The following IPO11 variants were observed in gnomAD, a reference collection of about 807,000 sequenced individuals.
IPO11 encodes importin 11, also known as importin-11.
A neutral mutation model predicts 143.2 loss-of-function variants in IPO11; 66 were observed. That is an observed-to-expected ratio of 0.46 (90% confidence interval 0.38 to 0.57). IPO11 has a LOEUF of 0.57. Among genes scored for constraint, IPO11 ranks in the 20% least tolerant of loss-of-function variants. The pLI is 0.00. For synonymous variants in IPO11, 385 were observed against 377.8 expected (o/e 1.02, Z -0.22); for missense variants, 1,026 against 1,141.0 (o/e 0.90, Z 1.45).
At chr5:62,581,817 G>A (rs1478140140) in intron 27 of IPO11, among the ~76,000 whole-genome samples, 1 of 152,176 alleles carries the variant, frequency 6.6e-6, no homozygotes, top group Non-Finnish European at 1.5e-5. Context: ...TGCACAGTGC[G>A]ATGATAAGTA....
chr5:62,618,973 G>A (rs1385310718), intron 29 of IPO11, among the ~76,000 whole-genome samples: 1 of 152,136 alleles, frequency 6.6e-6, no homozygotes, highest in Non-Finnish European at 1.5e-5. Context: ...GCTTACGCCT[G>A]TAATGCCAGC....
intron 27 of IPO11, among the ~76,000 whole-genome samples, chr5:62,591,268 A>G (rs535967180): frequency 7.2e-5 from 11 of 152,246 alleles, no homozygotes; most frequent in African/African-American, 2.2e-4. Flanking sequence ...TTACTTGTCA[A>G]TACTCTATGT....
intron 16 of IPO11, among the ~76,000 whole-genome samples, chr5:62,498,682 C>A (rs1741238483): frequency 6.6e-6 from 1 of 152,082 alleles, no homozygotes; most frequent in Admixed American, 6.6e-5. Context: ...TGAGCCTGGC[C>A]AACATGGGGA....
chr5:62,477,088 T>A (rs1745986456), intron 9 of IPO11, among the ~76,000 whole-genome samples: 1 of 152,106 alleles, frequency 6.6e-6, no homozygotes, highest in African/African-American at 2.4e-5. Flanking sequence ...CAGCTAGAAG[T>A]AGATCAAATG....
chr5:62,483,215 C>T lies in IPO11; in HGVS notation c.943C>T (p.Arg315Ter), dbSNP rs1746272504. 1.9e-6 allele frequency: 3 copies of T among 1,610,480 alleles called. No homozygotes were observed. Among genetic ancestry groups the T allele is most frequent in the South Asian group, 1.1e-5 (1 of 90,732 alleles). ...TEVGEGVTFE[R>*]FIVQCMNLIK... ...AGTTGGTGAAGGCGTTACATTTGAA[C>T]GATTCATTGTCCAATGTATGAATCT... Residue 315 changes from arginine to a stop codon, truncating the protein, a stop_gained, in exon 10 of 30, where the codon CGA (arginine) becomes TGA (stop). Transcript: ENST00000325324. LOFTEE classifies it high-confidence loss of function.
chr5:62,621,918 G>A (rs926968152), intron 29 of IPO11, among the ~76,000 whole-genome samples: 31 of 152,144 alleles, frequency 2.0e-4, no homozygotes, highest in African/African-American at 7.5e-4. Context: ...TATGCACACA[G>A]TAAAGTAAAA....
intron 27 of IPO11, chr5:62,579,369 G>A (rs372935721): frequency 2.2e-5 from 31 of 1,412,328 alleles, no homozygotes; most frequent in African/African-American, 8.6e-5. Flanking sequence ...TGAAGTTTTC[G>A]TGATTTAAAG....
At chr5:62,527,884 C>G (rs1174656129) in intron 21 of IPO11, among the ~76,000 whole-genome samples, 1 of 152,098 alleles carries the variant, frequency 6.6e-6, no homozygotes, top group African/African-American at 2.4e-5. Flanking sequence ...AGGTGCCAAT[C>G]CCAGTTATGC....
chr5:62,563,256 G>A (rs1160275079), intron 27 of IPO11, among the ~76,000 whole-genome samples: 1 of 152,136 alleles, frequency 6.6e-6, no homozygotes, highest in African/African-American at 2.4e-5. Flanking sequence ...TAAAGAACAT[G>A]GTCCTTGGTG....
intron 28 of IPO11, among the ~76,000 whole-genome samples, chr5:62,594,528 C>T (rs546360742): frequency 1.9e-4 from 29 of 152,146 alleles, no homozygotes; most frequent in Non-Finnish European, 3.8e-4. Context: ...TGAGGTCTAC[C>T]CACATGGGGA....
intron 1 of IPO11, among the ~76,000 whole-genome samples, chr5:62,414,749 C>G (rs1002153037): frequency 1.3e-5 from 2 of 152,174 alleles, no homozygotes; most frequent in Admixed American, 6.5e-5. Flanking sequence ...AACAAGTTAT[C>G]TAGATGAAAG....
intron 29 of IPO11, among the ~76,000 whole-genome samples, chr5:62,613,787 A>G (rs570470208): frequency 4.6e-5 from 7 of 152,222 alleles, no homozygotes; most frequent in Non-Finnish European, 1.0e-4. Context: ...CCACCATACT[A>G]TAAGGAAGCC....
chr5:62,449,941 A>C lies in IPO11; in HGVS notation c.254A>C (p.Glu85Ala). The change falls in exon 4 of 30, where the codon GAG (glutamate) becomes GCG (alanine). Residue 85 changes from glutamate to alanine, a missense_variant. Coordinates refer to ENST00000325324, the MANE Select transcript of IPO11 (RefSeq NM_016338.5). ...TTTTTTTACAGTGCTCTCTCAGAGG[A>C]GGAGAAAACTACTCTGCGTGCAGGG... ...RRVAPHALSE[E>A]EKTTLRAGLI... 6.3e-7 allele frequency: 1 copy of C among 1,579,266 alleles called. No homozygotes were observed. The highest frequency in any genetic ancestry group is 8.6e-7 in the Non-Finnish European group (1 of 1,164,356).
At chr5:62,606,078 A>G (rs1580380088) in intron 29 of IPO11, among the ~76,000 whole-genome samples, 1 of 151,890 alleles carries the variant, frequency 6.6e-6, no homozygotes, top group African/African-American at 2.4e-5. Context: ...GCAAATGAAA[A>G]CTGTATGTAT....
intron 27 of IPO11, among the ~76,000 whole-genome samples, chr5:62,590,846 GATGCTCAC>G (rs1744983900): frequency 6.6e-6 from 1 of 151,890 alleles, no homozygotes; most frequent in Admixed American, 6.6e-5. Context: ...ATCCTTTTAG[GATGCTCAC>G]ATGCCATCTG....
At chr5:62,608,349 G>T (rs1745805503) in intron 29 of IPO11, among the ~76,000 whole-genome samples, 1 of 152,088 alleles carries the variant, frequency 6.6e-6, no homozygotes, top group Non-Finnish European at 1.5e-5. Context: ...CAGACTTACT[G>T]TATCTGGGGG....
intron 1 of IPO11, among the ~76,000 whole-genome samples, chr5:62,422,257 G>C (rs1480428192): frequency 6.6e-6 from 1 of 152,100 alleles, no homozygotes; most frequent in Non-Finnish European, 1.5e-5. Context: ...CTCCCTAGTA[G>C]CTGGGATTAT....
chr5:62,559,309 G>C (rs533194580), intron 26 of IPO11, among the ~76,000 whole-genome samples: 12 of 151,804 alleles, frequency 7.9e-5, no homozygotes, highest in Non-Finnish European at 1.6e-4. Context: ...AAAAATAAAA[G>C]AGGATTGAAG....
chr5:62,474,605 A>G, intron 8 of IPO11, 141 bp downstream of exon 8: 1 of 646,876 alleles, frequency 1.5e-6, no homozygotes, highest in South Asian at 2.1e-5. Context: ...ATAAATCTAG[A>G]GAAAGTGTCT....
Sources: gnomAD v4.1 joint callset for allele counts (sites outside exome capture counted in the v4.1 genomes callset) on GRCh38, gnomAD v4.1.1 for gene constraint, MANE v1.5 for transcripts, NCBI Gene and HGNC (gene_info 2026-07-23, HGNC 2026-07-21) for gene names.